The following OSBP2 variants were observed in gnomAD, a reference collection of about 807,000 sequenced individuals.
The protein encoded by OSBP2 is oxysterol binding protein 2.
A neutral mutation model predicts 96.0 loss-of-function variants in OSBP2; 66 were observed. The ratio of observed to expected loss-of-function variants is 0.69; its 90% confidence interval spans 0.56 to 0.84. The LOEUF is 0.84. OSBP2 is among the 40% of genes least tolerant of loss of function. The pLI is 0.00. For synonymous variants in OSBP2, 525 were observed against 520.9 expected (o/e 1.01, Z -0.11); for missense variants, 1,038 against 1,222.7 (o/e 0.85, Z 2.25).
At chr22:30,722,885 A>G (rs576351908) in intron 1 of OSBP2, among the ~76,000 whole-genome samples, 1 of 149,658 alleles carries the variant, frequency 6.7e-6, no homozygotes, top group East Asian at 2.0e-4. Context: ...TCTGAGCTCA[A>G]GTGATCCTCC....
rs2039932519 is a variant in OSBP2 at position 30,890,868 on chromosome 22, C to T, written c.1764C>T (p.Tyr588=). 6 of 1,613,708 alleles carry T rather than the reference C, an allele frequency of 3.7e-6. No individual in the cohort carries two copies. Among genetic ancestry groups the T allele is most frequent in the Middle Eastern group, 1.6e-4 (1 of 6,084 alleles). ...TGGCCGCCTTCTCTGTGTCCTCCTA[C>T]TCCACCACAGTGCACCGCATCGCCA... is the stretch of plus-strand genomic sequence containing the variant. The part of the protein sequence containing the change: ...CLVAAFSVSS[Y]STTVHRIAKP... Residue 588 remains tyrosine, a synonymous_variant, in exon 8 of 14, where the codon TAC becomes TAT. Coordinates refer to ENST00000332585, the MANE Select transcript of OSBP2 (RefSeq NM_030758.4). This position sits in a 1 kb window ranked among gnomAD's most constrained non-coding sequence, Gnocchi z 4.4.
At chr22:30,872,448 T>A in intron 3 of OSBP2, 1 of 449,088 alleles carries the variant, frequency 2.2e-6, no homozygotes, top group East Asian at 7.0e-5. Context: ...TTATCAGACA[T>A]CAGAGGCTCA....
rs549436576 is a variant in OSBP2, at chr22:30,879,822, C to T, written c.1108-7604C>T. On this transcript the variant is annotated intron_variant, in intron 3 of 13. Transcript: ENST00000332585. ...ATCCCAGCACTTTGAGAGGCCGACG[C>T]GGGCAGATTACTTGAGGTCAGGAGT... Among the ~76,000 whole-genome samples, 5 of 152,262 alleles carry T rather than the reference C, an allele frequency of 3.3e-5. No homozygotes were observed. In the South Asian group the frequency reaches 6.2e-4, roughly 19 times the overall value.
At chr22:30,701,444 T>C (rs901521232) in intron 1 of OSBP2, among the ~76,000 whole-genome samples, 2 of 150,322 alleles carry the variant, frequency 1.3e-5, no homozygotes, top group East Asian at 2.0e-4. Context: ...CCCAGGTTCA[T>C]GCTATTCTCC....
intron 3 of OSBP2, among the ~76,000 whole-genome samples, chr22:30,874,409 T>C (rs2039531394): frequency 6.6e-6 from 1 of 151,278 alleles, no homozygotes; most frequent in African/African-American, 2.4e-5. Context: ...AGACTCTGTC[T>C]CAAAAAAAAA....
At chr22:30,730,935 G>C (rs747133491) in intron 1 of OSBP2, among the ~76,000 whole-genome samples, 26 of 150,224 alleles carry the variant, frequency 1.7e-4, no homozygotes, top group Non-Finnish European at 2.7e-4. Flanking sequence ...AGCACTTTGG[G>C]TGGCCGAGGC....
At chr22:30,708,731 G>A (rs1282725440) in intron 1 of OSBP2, among the ~76,000 whole-genome samples, 1 of 150,448 alleles carries the variant, frequency 6.6e-6, no homozygotes, top group South Asian at 2.1e-4. Context: ...CAGGTGATCC[G>A]CCCACTTCAG....
At chr22:30,852,867 A>G (rs1287388243) in intron 2 of OSBP2, among the ~76,000 whole-genome samples, 1 of 152,110 alleles carries the variant, frequency 6.6e-6, no homozygotes, top group Non-Finnish European at 1.5e-5. Context: ...TCTAATTTCC[A>G]GTTATTCAAC....
At chr22:30,752,014 G>A (rs2090080023) in intron 2 of OSBP2, among the ~76,000 whole-genome samples, 1 of 152,126 alleles carries the variant, frequency 6.6e-6, no homozygotes, top group Admixed American at 6.5e-5. Flanking sequence ...AGTCACAGAG[G>A]GGTCTGCAAG....
intron 2 of OSBP2, chr22:30,770,609 C>T (rs1383439604): frequency 1.3e-5 from 2 of 152,154 alleles, no homozygotes; most frequent in African/African-American, 4.8e-5. Flanking sequence ...GGAACAAAAC[C>T]CCGCTGAGAC....
intron 1 of OSBP2, among the ~76,000 whole-genome samples, chr22:30,705,821 C>A (rs2089243702): frequency 1.3e-5 from 2 of 152,152 alleles, no homozygotes; most frequent in Non-Finnish European, 2.9e-5. Flanking sequence ...ACCTGCATAC[C>A]ACTGTCACAC....
At chr22:30,827,626 A>C (rs1447716917) in intron 2 of OSBP2, among the ~76,000 whole-genome samples, 3 of 152,206 alleles carry the variant, frequency 2.0e-5, no homozygotes, top group South Asian at 4.1e-4. Flanking sequence ...CATAATTTGC[A>C]CAGAGGCCAG....
chr22:30,827,020 C>A (rs977534251), intron 2 of OSBP2, among the ~76,000 whole-genome samples: 2 of 152,120 alleles, frequency 1.3e-5, no homozygotes, highest in African/African-American at 4.8e-5. Context: ...GAGGTGACAC[C>A]CAGCTGTGTA....
chr22:30,905,723 A>T, intron 12 of OSBP2, 114 bp from the exon 13 acceptor site: 1 of 1,439,184 alleles, frequency 6.9e-7, no homozygotes, highest in Non-Finnish European at 9.2e-7. Flanking sequence ...GGACGCGGGG[A>T]GCTGGAGGGT....
intron 3 of OSBP2, among the ~76,000 whole-genome samples, chr22:30,878,844 G>A (rs561324336): frequency 6.6e-6 from 1 of 152,296 alleles, no homozygotes; most frequent in South Asian, 2.1e-4. Flanking sequence ...ACCCGGCACA[G>A]CCAGCACTCG....
intron 2 of OSBP2, among the ~76,000 whole-genome samples, chr22:30,865,065 C>A (rs1200181813): frequency 4.6e-5 from 7 of 152,196 alleles, no homozygotes; most frequent in Non-Finnish European, 8.8e-5. Context: ...GATCTGTTTT[C>A]CTCCAAAGAT....
intron 3 of OSBP2, among the ~76,000 whole-genome samples, chr22:30,875,229 C>T (rs940700339): frequency 6.6e-6 from 1 of 152,160 alleles, no homozygotes; most frequent in Non-Finnish European, 1.5e-5. Context: ...CCCCCCTGCA[C>T]TCCCCTTCCA....
At chr22:30,803,342 C>T (rs1327377306) in intron 2 of OSBP2, among the ~76,000 whole-genome samples, 3 of 152,230 alleles carry the variant, frequency 2.0e-5, no homozygotes, top group African/African-American at 4.8e-5. Context: ...TTTCCCAGTC[C>T]TGGGATAGAG....
At chr22:30,739,848 G>A (rs1162520045) in intron 1 of OSBP2, among the ~76,000 whole-genome samples, 1 of 150,190 alleles carries the variant, frequency 6.7e-6, no homozygotes, top group East Asian at 2.0e-4. Flanking sequence ...TTGTTTGTTT[G>A]TTTGTGTTTG....
Sources: allele counts gnomAD v4.1 joint callset (sites outside exome capture counted in the v4.1 genomes callset), GRCh38; gene constraint gnomAD v4.1.1; non-coding constraint Gnocchi (gnomAD v3.1); transcripts MANE v1.5; gene names NCBI Gene and HGNC (gene_info 2026-07-23, HGNC 2026-07-21).